RASGRF2: variants seen among roughly 807,000 people sequenced by gnomAD.
The protein encoded by RASGRF2 is ras-specific guanine nucleotide-releasing factor 2.
RASGRF2 carries 76 observed loss-of-function variants against 151.0 expected under a neutral mutation model. That is an observed-to-expected ratio of 0.50 (90% confidence interval 0.42 to 0.61). RASGRF2 has a LOEUF of 0.61. RASGRF2 is among the 20% of genes least tolerant of loss of function. RASGRF2 has a pLI of 0.00. For missense variants in RASGRF2, 1,148 were observed against 1,564.6 expected (o/e 0.73, Z 4.49); for synonymous variants, 504 against 566.5 (o/e 0.89, Z 1.57).
At chr5:81,071,910 A>G (rs974927495) in intron 4 of RASGRF2, among the ~76,000 whole-genome samples, 2 of 152,228 alleles carry the variant, frequency 1.3e-5, no homozygotes, top group Non-Finnish European at 2.9e-5. Flanking sequence ...TTTACTTAAC[A>G]CAAAATCCAA....
chr5:81,171,343 A>C (rs1410577331), intron 17 of RASGRF2, among the ~76,000 whole-genome samples: 1 of 152,208 alleles, frequency 6.6e-6, no homozygotes, highest in East Asian at 1.9e-4. Context: ...GTTTGTGGGG[A>C]AAGTTTGCTT....
intron 1 of RASGRF2, among the ~76,000 whole-genome samples, chr5:81,026,083 TC>T (rs1259447013): frequency 4.2e-5 from 6 of 141,278 alleles, no homozygotes; most frequent in Non-Finnish European, 9.2e-5. Flanking sequence ...CTCCCTCCCT[TC>T]CTTCCTCCCT....
chr5:81,078,456 T>G (rs1159936737), intron 5 of RASGRF2, among the ~76,000 whole-genome samples: 2 of 152,244 alleles, frequency 1.3e-5, no homozygotes, highest in Non-Finnish European at 2.9e-5. Context: ...CTCCATGAGA[T>G]TAACTTTTTT....
chr5:81,163,385 T>C (rs1287244345), intron 17 of RASGRF2, among the ~76,000 whole-genome samples: 2 of 152,146 alleles, frequency 1.3e-5, no homozygotes, highest in African/African-American at 4.8e-5. Flanking sequence ...TCAGTTATGC[T>C]TATGAAAGAA....
At position 81,020,008 on chromosome 5, in the gene RASGRF2, A is replaced by G. The variant is rs1020522392; in HGVS notation, c.289-22869A>G. On this transcript the variant is annotated intron_variant, in intron 1 of 26. Coordinates refer to ENST00000265080, the MANE Select transcript of RASGRF2 (RefSeq NM_006909.3). ...TGAGCTTGTGTTCTCATATTGGGTTACATTTGTTCTCTGTAAAAACACATA... is the reference window on the plus strand; with the variant it reads ...TGAGCTTGTGTTCTCATATTGGGTTGCATTTGTTCTCTGTAAAAACACATA... Among the ~76,000 whole-genome samples, 5 of 152,370 alleles carry G rather than the reference A, an allele frequency of 3.3e-5. No homozygotes were observed. In the South Asian group the frequency reaches 6.2e-4, roughly 19 times the overall value.
At chr5:81,020,188 T>C (rs908453506) in intron 1 of RASGRF2, among the ~76,000 whole-genome samples, 6 of 152,364 alleles carry the variant, frequency 3.9e-5, no homozygotes, top group African/African-American at 1.2e-4. Context: ...TTTTTGTAGA[T>C]AAGAGGAAGA....
At chr5:81,120,402 C>A (rs184113431) in intron 15 of RASGRF2, among the ~76,000 whole-genome samples, 2 of 151,840 alleles carry the variant, frequency 1.3e-5, no homozygotes, top group African/African-American at 4.8e-5. Context: ...CATAGTGAGA[C>A]CTTGTCTCTA....
At chr5:81,030,913 T>G (rs917535041) in intron 1 of RASGRF2, among the ~76,000 whole-genome samples, 3 of 152,186 alleles carry the variant, frequency 2.0e-5, no homozygotes, top group South Asian at 2.1e-4. Context: ...CCATCTCACG[T>G]GCAGAGACAC....
chr5:80,983,051 G>A (rs1748362707), intron 1 of RASGRF2, among the ~76,000 whole-genome samples: 1 of 152,206 alleles, frequency 6.6e-6, no homozygotes, highest in African/African-American at 2.4e-5. Context: ...ACCACTTTTT[G>A]AAACGGGTTA....
chr5:81,167,799 C>T (rs1405719046), intron 17 of RASGRF2, among the ~76,000 whole-genome samples: 2 of 152,088 alleles, frequency 1.3e-5, no homozygotes, highest in Non-Finnish European at 2.9e-5. Flanking sequence ...TGAACAATGA[C>T]GGGGTCAGGC....
chr5:81,213,337 C>T (rs1755665289), intron 23 of RASGRF2, among the ~76,000 whole-genome samples: 1 of 140,318 alleles, frequency 7.1e-6, no homozygotes, highest in East Asian at 2.0e-4. Flanking sequence ...GACCTCGTCT[C>T]AGGGGCGAGG....
At chr5:81,183,183 A>G (rs1424013259) in intron 18 of RASGRF2, 1 of 983,982 alleles carries the variant, frequency 1.0e-6, no homozygotes, top group Non-Finnish European at 1.2e-6. Context: ...CTACCCAGGG[A>G]GGCCACTTCG....
At chr5:81,159,091 A>G (rs1408767776) in intron 17 of RASGRF2, among the ~76,000 whole-genome samples, 1 of 152,278 alleles carries the variant, frequency 6.6e-6, no homozygotes, top group Non-Finnish European at 1.5e-5. Flanking sequence ...ATTAATACAC[A>G]TGAATATAAA....
chr5:81,137,912 T>C (rs1470640528), intron 17 of RASGRF2, among the ~76,000 whole-genome samples: 2 of 152,244 alleles, frequency 1.3e-5, no homozygotes, highest in Non-Finnish European at 2.9e-5. Flanking sequence ...CCAGACAGGT[T>C]ATATCAGATA....
In RASGRF2 at chr5:81,064,162, C is replaced by G. The variant is rs183449921; in HGVS notation, c.396-3870C>G. Among the ~76,000 whole-genome samples, 248 of 152,312 alleles carry G rather than the reference C, an allele frequency of 1.6e-3. 1 individual carries two copies. The highest frequency in any genetic ancestry group is 5.7e-3 in the African/African-American group (238 of 41,570). On this transcript the variant is annotated intron_variant, in intron 2 of 26. Coordinates refer to ENST00000265080, the MANE Select transcript of RASGRF2 (RefSeq NM_006909.3). ...GCACAACTGGGGAAGGATCCACTTC[C>G]AAGTTCACTCACTCTGCTGTTGGCT...
At chr5:81,027,625 G>A (rs771947594) in intron 1 of RASGRF2, among the ~76,000 whole-genome samples, 5 of 152,132 alleles carry the variant, frequency 3.3e-5, no homozygotes, top group Non-Finnish European at 7.3e-5. Context: ...ATCTGCCCTT[G>A]CTCAAAACAT....
chr5:81,051,575 C>A (rs1751012953), intron 2 of RASGRF2, among the ~76,000 whole-genome samples: 2 of 152,196 alleles, frequency 1.3e-5, no homozygotes, highest in Admixed American at 6.5e-5. Flanking sequence ...TAGATGGAAT[C>A]CTACAAACAT....
At chr5:81,102,203 C>T (rs1350447571) in intron 12 of RASGRF2, among the ~76,000 whole-genome samples, 1 of 152,124 alleles carries the variant, frequency 6.6e-6, no homozygotes, top group Non-Finnish European at 1.5e-5. Flanking sequence ...AGTTCCACAT[C>T]CTAGGAGTAT....
intron 1 of RASGRF2, among the ~76,000 whole-genome samples, chr5:80,965,198 A>T (rs2112204150): frequency 6.6e-6 from 1 of 152,182 alleles, no homozygotes; most frequent in South Asian, 2.1e-4. Context: ...TCATCGAATG[A>T]ATTAGGCAGA....
Sources: allele counts gnomAD v4.1 joint callset (sites outside exome capture counted in the v4.1 genomes callset), GRCh38; gene constraint gnomAD v4.1.1; transcripts MANE v1.5; gene names NCBI Gene and HGNC (gene_info 2026-07-23, HGNC 2026-07-21).